The following STPG2 variants were observed in gnomAD, a reference collection of about 807,000 sequenced individuals.
STPG2 encodes the protein sperm tail PG-rich repeat containing 2, also known as sperm-tail PG-rich repeat-containing protein 2.
A neutral mutation model predicts 54.2 loss-of-function variants in STPG2; 56 were observed. The ratio of observed to expected loss-of-function variants is 1.03; its 90% CI spans 0.83 to 1.29. The LOEUF is 1.29. STPG2 is among the 50% of genes most tolerant of loss of function. The pLI is 0.00. For missense variants in STPG2, 596 were observed against 544.9 expected (o/e 1.09, Z -0.93); for synonymous variants, 200 against 181.8 (o/e 1.10, Z -0.81).
chr4:97,821,586 G>A (rs1222755260), intron 9 of STPG2, among the ~76,000 whole-genome samples: 2 of 152,202 alleles, frequency 1.3e-5, no homozygotes, highest in South Asian at 2.1e-4. Context: ...GAGTTTCTCT[G>A]TGAGGGCTCC....
At chr4:98,140,252 TGGA>T (rs1284196692) in intron 1 of STPG2, among the ~76,000 whole-genome samples, 2 of 152,042 alleles carry the variant, frequency 1.3e-5, no homozygotes, top group Non-Finnish European at 2.9e-5. Flanking sequence ...GTAGGTCAGG[TGGA>T]GGTGGAGGTG....
At chr4:97,596,271 T>C (rs1296426658) in intron 10 of STPG2, among the ~76,000 whole-genome samples, 2 of 152,122 alleles carry the variant, frequency 1.3e-5, no homozygotes, top group Non-Finnish European at 2.9e-5. Context: ...GTAAGTTCTT[T>C]GAGATGTAAG....
intron 9 of STPG2, among the ~76,000 whole-genome samples, chr4:97,784,508 GC>G (rs1276026304): frequency 6.6e-6 from 1 of 151,770 alleles, no homozygotes; most frequent in Non-Finnish European, 1.5e-5. Context: ...AAGATACAGT[GC>G]CAAAAAAACT....
intron 10 of STPG2, among the ~76,000 whole-genome samples, chr4:97,629,516 T>C (rs2148931339): frequency 6.6e-6 from 1 of 152,142 alleles, no homozygotes; most frequent in African/African-American, 2.4e-5. Flanking sequence ...GTTGTGAATC[T>C]TGAACATGCA....
chr4:97,909,665 A>G (rs900964194), intron 8 of STPG2, among the ~76,000 whole-genome samples: 3 of 152,210 alleles, frequency 2.0e-5, no homozygotes, highest in African/African-American at 7.2e-5. Flanking sequence ...AAAGTAATCA[A>G]TATAATTTAC....
intron 9 of STPG2, among the ~76,000 whole-genome samples, chr4:97,737,687 G>A (rs921403155): frequency 6.6e-6 from 1 of 152,168 alleles, no homozygotes. Context: ...AACAAACAAA[G>A]CATTCAAGAA....
chr4:97,548,434 C>T (rs1177919597), intron 4 of STPG2, among the ~76,000 whole-genome samples: 1 of 152,160 alleles, frequency 6.6e-6, no homozygotes, highest in Non-Finnish European at 1.5e-5. Context: ...CATTGTCTCT[C>T]CACCAGAATG....
At chr4:97,542,698 T>C (rs866590759) in intron 4 of STPG2, among the ~76,000 whole-genome samples, 2 of 152,068 alleles carry the variant, frequency 1.3e-5, no homozygotes, top group South Asian at 2.1e-4. Context: ...CTACTCACAA[T>C]AGCAAATACT....
chr4:98,088,199 T>A (rs1447341842), intron 5 of STPG2, among the ~76,000 whole-genome samples: 1 of 152,148 alleles, frequency 6.6e-6, no homozygotes, highest in African/African-American at 2.4e-5. Flanking sequence ...AGAAAAACTG[T>A]GAAAGAAGAA....
chr4:97,465,793 G>A (rs1316793505), intron 4 of STPG2, among the ~76,000 whole-genome samples: 1 of 151,836 alleles, frequency 6.6e-6, no homozygotes, highest in African/African-American at 2.4e-5. Context: ...TTTTGCTGTT[G>A]AATTGTACTT....
chr4:97,464,208 T>TG (rs1729735906), intron 4 of STPG2, among the ~76,000 whole-genome samples: 1 of 152,124 alleles, frequency 6.6e-6, no homozygotes, highest in African/African-American at 2.4e-5. Flanking sequence ...GTGAAATATT[T>TG]GGGGGAAAAA....
At chr4:97,841,777 C>G (rs113102159) in intron 8 of STPG2, among the ~76,000 whole-genome samples, 1,888 of 151,750 alleles carry the variant, frequency 0.012, 35 homozygotes, top group African/African-American at 0.043. Flanking sequence ...AGCCACTTAC[C>G]CTCTGTGTTC....
At chr4:97,911,446 C>T (rs753706625) in intron 8 of STPG2, among the ~76,000 whole-genome samples, 5 of 152,038 alleles carry the variant, frequency 3.3e-5, no homozygotes, top group Non-Finnish European at 5.9e-5. Flanking sequence ...ACCAAGTTCC[C>T]GGGGGGCAGG....
intron 5 of STPG2, among the ~76,000 whole-genome samples, chr4:98,059,476 C>T (rs1203028424): frequency 6.6e-6 from 1 of 151,786 alleles, no homozygotes; most frequent in African/African-American, 2.4e-5. Context: ...ACCAAATTTA[C>T]AAAGAAGAGT....
intron 4 of STPG2, among the ~76,000 whole-genome samples, chr4:97,470,970 A>G (rs1201233476): frequency 6.6e-6 from 1 of 152,136 alleles, no homozygotes; most frequent in African/African-American, 2.4e-5. Flanking sequence ...TCAAGCCATT[A>G]CAATATCGAT....
chr4:97,829,775 A>G (rs2149110984), intron 9 of STPG2, among the ~76,000 whole-genome samples: 1 of 152,288 alleles, frequency 6.6e-6, no homozygotes. Flanking sequence ...AAGGAATATC[A>G]GAGATTGAAG....
chr4:97,742,781 G>A (rs12639675), intron 9 of STPG2, among the ~76,000 whole-genome samples: 2 of 151,514 alleles, frequency 1.3e-5, no homozygotes, highest in Non-Finnish European at 3.0e-5. Context: ...GAGACATGTA[G>A]GCAAAAAGGT....
chr4:97,776,139 T>A (rs1726367949), intron 9 of STPG2, among the ~76,000 whole-genome samples: 1 of 152,214 alleles, frequency 6.6e-6, no homozygotes. Flanking sequence ...TCAGTAAAAA[T>A]TTTTAAAAGG....
intron 10 of STPG2, among the ~76,000 whole-genome samples, chr4:97,559,585 C>T (rs1261920177): frequency 1.3e-5 from 2 of 152,190 alleles, no homozygotes; most frequent in Admixed American, 6.5e-5. Flanking sequence ...TATTCAGCTT[C>T]AATTAATTTC....
Sources: gnomAD v4.1 joint callset for allele counts (sites outside exome capture counted in the v4.1 genomes callset) on GRCh38, gnomAD v4.1.1 for gene constraint, MANE v1.5 for transcripts, NCBI Gene and HGNC (gene_info 2026-07-23, HGNC 2026-07-21) for gene names.